DESI1: variants seen among roughly 807,000 people sequenced by gnomAD.
DESI1 encodes the protein PPPDE peptidase domain containing 2.
In DESI1, 17 loss-of-function variants were observed where a neutral mutation model predicts 22.4. The observed-to-expected ratio is 0.76, with a 90% CI of 0.52 to 1.14. The LOEUF is 1.14. Ranked by LOEUF, DESI1 falls within the 50% of genes most tolerant of loss-of-function variation. The pLI is 0.00. For missense variants in DESI1, 177 were observed against 208.9 expected (o/e 0.85, Z 0.94); for synonymous variants, 92 against 84.2 (o/e 1.09, Z -0.51).
chr22:41,612,129 T>TG lies in DESI1; in HGVS notation c.89-4269dup, dbSNP rs1382893833. Among the ~76,000 whole-genome samples, 4 of 151,810 alleles carry TG rather than the reference T, an allele frequency of 2.6e-5. No individual in the cohort carries two copies. The East Asian group carries it at 7.7e-4, about 29-fold the overall frequency. On this transcript the variant is annotated intron_variant, in intron 1 of 5. Transcript: ENST00000263256. ...AACCTCCTTCATGACACTTACTAGG[T>TG]GGGGGGAGGGGACAGTCAATAATAA... is the stretch of plus-strand genomic sequence containing the variant.
intron 2 of DESI1, 27 bp downstream of exon 2, chr22:41,607,813 C>T: frequency 4.3e-6 from 7 of 1,614,070 alleles, no homozygotes; most frequent in Non-Finnish European, 5.1e-6. Context: ...CAAAACTAGT[C>T]AAAGTAAGGA....
At chr22:41,604,411 A>T (rs941154999) in intron 3 of DESI1, among the ~76,000 whole-genome samples, 1 of 151,870 alleles carries the variant, frequency 6.6e-6, no homozygotes. Context: ...ATGCCCAGAT[A>T]ATTTTTTGTA....
At chr22:41,607,401 C>T (rs1235964037) in intron 2 of DESI1, 70 bp from the exon 3 acceptor site, 1 of 1,446,870 alleles carries the variant, frequency 6.9e-7, no homozygotes, top group Non-Finnish European at 9.4e-7. Flanking sequence ...CACCATAATG[C>T]AATGAGAGTA....
intron 1 of DESI1, among the ~76,000 whole-genome samples, chr22:41,614,739 C>T (rs545155133): frequency 4.4e-4 from 67 of 151,766 alleles, no homozygotes; most frequent in Admixed American, 2.0e-3. Flanking sequence ...CATGCGCCAC[C>T]GTGCCCAGTT....
chr22:41,619,177 C>T (rs966145406), intron 1 of DESI1, among the ~76,000 whole-genome samples: 1 of 152,112 alleles, frequency 6.6e-6, no homozygotes, highest in Middle Eastern at 3.2e-3. Flanking sequence ...ATCATTTTAA[C>T]AACTGGTTAT....
At chr22:41,602,966 T>G in intron 5 of DESI1, 1 of 551,168 alleles carries the variant, frequency 1.8e-6, no homozygotes, top group Middle Eastern at 6.0e-4. Flanking sequence ...TCGAGCACAA[T>G]GGGAAGGACA....
chr22:41,609,858 C>CGG (rs1195273951), intron 1 of DESI1, among the ~76,000 whole-genome samples: 3 of 151,500 alleles, frequency 2.0e-5, no homozygotes, highest in Admixed American at 6.6e-5. Flanking sequence ...GAGGCCGAGG[C>CGG]GGGCAGATCA....
intron 1 of DESI1, among the ~76,000 whole-genome samples, chr22:41,615,319 G>A (rs1448495517): frequency 6.8e-6 from 1 of 147,804 alleles, no homozygotes; most frequent in South Asian, 2.1e-4. Flanking sequence ...GGTGGCGGGC[G>A]CCTGTAATCC....
At chr22:41,611,589 TTC>T (rs1569069347) in intron 1 of DESI1, among the ~76,000 whole-genome samples, 97 of 122,292 alleles carry the variant, frequency 7.9e-4, no homozygotes, top group African/African-American at 2.8e-3. Context: ...TACCTGTTCC[TTC>T]TTTTTTTTTT....
At chr22:41,620,396 G>C (rs1246779208) in intron 1 of DESI1, among the ~76,000 whole-genome samples, 1 of 152,146 alleles carries the variant, frequency 6.6e-6, no homozygotes, top group East Asian at 1.9e-4. Flanking sequence ...AGGCAGGAGT[G>C]CACTGGGCTA....
At chr22:41,613,483 C>T (rs1169118375) in intron 1 of DESI1, among the ~76,000 whole-genome samples, 5 of 152,232 alleles carry the variant, frequency 3.3e-5, no homozygotes, top group Admixed American at 3.3e-4. Context: ...AGTTAGACTA[C>T]AGTTGCCTCA....
rs2067436342 is a variant in DESI1, at chr22:41,599,195, A to G, written c.*1902T>C. On this transcript the variant is annotated 3_prime_UTR_variant, in exon 6 of 6. Transcript: ENST00000263256. ...GGCCAGACTTCCAGGAAGAAGCAAC[A>G]TAATTCAAGTCCGTGAAGTGGCAAG... The G allele has an allele frequency of 6.7e-6, 1 of 149,174 alleles. No individual in the cohort carries two copies. Among genetic ancestry groups the G allele is most frequent in the Non-Finnish European group, 1.5e-5 (1 of 66,406 alleles). The allele number at this position is 149,174 out of a possible 1,614,324, so 9.2% of individuals were successfully genotyped here.
chr22:41,603,977 G>T, intron 4 of DESI1, 67 bp downstream of exon 4: 1 of 1,403,836 alleles, frequency 7.1e-7, no homozygotes, highest in Non-Finnish European at 9.9e-7. Context: ...CATGGCAGCT[G>T]CCTCCAGGGG....
In DESI1 at chr22:41,600,799, A is replaced by T; in HGVS notation, c.*298T>A. Reference sequence around the variant, plus strand: ...AAACTGTGACTCGCTTTCTGTTTAAACAAAGCCCCTCCCTTTCTCCAGTGT... The same window carrying T: ...AAACTGTGACTCGCTTTCTGTTTAATCAAAGCCCCTCCCTTTCTCCAGTGT... On this transcript the variant is annotated 3_prime_UTR_variant, in exon 6 of 6. Coordinates refer to ENST00000263256, the MANE Select transcript of DESI1 (RefSeq NM_015704.3). 3.2e-6 allele frequency: 1 copy of T among 309,102 alleles called. No homozygotes were observed. 19.1% of individuals were successfully genotyped at this position (309,102 alleles called of 1,614,324 possible).
chr22:41,614,558 A>G (rs937252345), intron 1 of DESI1, among the ~76,000 whole-genome samples: 1 of 139,118 alleles, frequency 7.2e-6, no homozygotes, highest in African/African-American at 2.7e-5. Context: ...AGCTGGGATT[A>G]TAGGTGTGAG....
At chr22:41,605,966 T>C (rs1424637456) in intron 3 of DESI1, among the ~76,000 whole-genome samples, 1 of 152,048 alleles carries the variant, frequency 6.6e-6, no homozygotes, top group South Asian at 2.1e-4. Context: ...CAGGTTTCAA[T>C]GTCTACGGTG....
intron 1 of DESI1, among the ~76,000 whole-genome samples, chr22:41,608,664 CAA>C (rs1470624677): frequency 6.6e-6 from 1 of 152,064 alleles, no homozygotes; most frequent in Non-Finnish European, 1.5e-5. Flanking sequence ...GGCCTGGACT[CAA>C]AGAGGCTGTG....
chr22:41,606,631 G>C (rs1467318755), intron 3 of DESI1, among the ~76,000 whole-genome samples: 1 of 151,894 alleles, frequency 6.6e-6, no homozygotes, highest in East Asian at 1.9e-4. Flanking sequence ...AAAATTAGCT[G>C]GGTGTAGTGG....
At chr22:41,616,147 G>A (rs2067549348) in intron 1 of DESI1, among the ~76,000 whole-genome samples, 1 of 152,116 alleles carries the variant, frequency 6.6e-6, no homozygotes, top group African/African-American at 2.4e-5. Flanking sequence ...GGAGGCTGAG[G>A]CAGGAGAACT....
Sources: gnomAD v4.1 joint callset for allele counts (sites outside exome capture counted in the v4.1 genomes callset) on GRCh38, gnomAD v4.1.1 for gene constraint, MANE v1.5 for transcripts, NCBI Gene and HGNC (gene_info 2026-07-23, HGNC 2026-07-21) for gene names.